Variants in BPTF observed in about 807,000 individuals in gnomAD.
BPTF encodes bromodomain PHD finger transcription factor, also known as nucleosome-remodeling factor subunit BPTF.
A neutral mutation model predicts 292.5 loss-of-function variants in BPTF; 18 were observed. That is an observed-to-expected ratio of 0.06 (90% CI 0.04 to 0.09). The LOEUF (loss-of-function observed/expected upper bound fraction) is 0.09, where lower values mean the gene tolerates loss of function less well. BPTF is among the 10% of genes least tolerant of loss of function. The pLI, the probability that BPTF is intolerant of heterozygous loss-of-function variation, is 1.00. For missense variants in BPTF, 2,726 were observed against 3,498.7 expected (o/e 0.78, Z 5.57); for synonymous variants, 1,225 against 1,251.9 (o/e 0.98, Z 0.45).
At chr17:67,926,297 A>AT (rs2063884276) in intron 15 of BPTF, among the ~76,000 whole-genome samples, 1 of 130,302 alleles carries the variant, frequency 7.7e-6, no homozygotes, top group African/African-American at 2.9e-5. Context: ...GCACCACTGC[A>AT]TTTGGCCCTA....
At chr17:67,976,040 C>A in intron 27 of BPTF, 82 bp downstream of exon 27, 3 of 1,100,704 alleles carry the variant, frequency 2.7e-6, no homozygotes, top group East Asian at 2.6e-5. Flanking sequence ...TCAACCAGTG[C>A]AGTTTATGGT....
chr17:67,953,250 C>T (rs1452436800), intron 23 of BPTF, among the ~76,000 whole-genome samples: 9 of 150,146 alleles, frequency 6.0e-5, no homozygotes, highest in South Asian at 2.1e-4. Flanking sequence ...CGTGAGCCAC[C>T]GCGCCTGGCC....
rs1194820696 is a variant in BPTF, at chr17:67,983,231, G to A, written c.*943G>A. Reference sequence around the variant, plus strand: ...GAGGGAGGCCTGCAAGGTCATGAAAGGCAGAAGAGTCTAATTGTGCCTGGA... The same window carrying A: ...GAGGGAGGCCTGCAAGGTCATGAAAAGCAGAAGAGTCTAATTGTGCCTGGA... On this transcript the variant is annotated 3_prime_UTR_variant, in exon 28 of 28. Coordinates refer to ENST00000306378, the MANE Select transcript of BPTF (RefSeq NM_182641.4). The A allele has an allele frequency of 6.6e-6, 1 of 152,638 alleles. No individual in the cohort carries two copies. Among genetic ancestry groups the A allele is most frequent in the Non-Finnish European group, 1.5e-5 (1 of 68,052 alleles). 9.5% of individuals were successfully genotyped at this position (152,638 alleles called of 1,614,324 possible).
At chr17:67,910,617 T>C (rs534546555) in intron 10 of BPTF, among the ~76,000 whole-genome samples, 13 of 152,100 alleles carry the variant, frequency 8.5e-5, no homozygotes, top group African/African-American at 3.1e-4. Context: ...CTGGCCAACA[T>C]TGCGAAACCC....
At chr17:67,975,121 GAC>G (rs2069247014) in intron 26 of BPTF, 1 of 152,120 alleles carries the variant, frequency 6.6e-6, no homozygotes, top group Non-Finnish European at 1.5e-5. Flanking sequence ...AGGAAATGGG[GAC>G]AAAAACCAAA....
At chr17:67,980,333 G>A (rs1382380704) in intron 27 of BPTF, among the ~76,000 whole-genome samples, 1 of 151,956 alleles carries the variant, frequency 6.6e-6, no homozygotes, top group Non-Finnish European at 1.5e-5. Context: ...CAACACTGAG[G>A]CTCCATCTCA....
In BPTF at chr17:67,854,978, T is replaced by G. The variant is rs188612339; in HGVS notation, c.1436+216T>G. 1.3e-5 allele frequency among the ~76,000 whole-genome samples: 2 copies of G among 152,314 alleles called. No individual in the cohort carries two copies. Among genetic ancestry groups the G allele is most frequent in the Admixed American group, 6.5e-5 (1 of 15,304 alleles). ...TATGAAAGAAGCAAAATTCCATTGT[T>G]TTTTGATGCCTAGGCTAGGAAATAG... On this transcript the variant is annotated intron_variant, in intron 2 of 27. Transcript: ENST00000306378. The surrounding 1 kb of genome is among the most constrained non-coding windows in gnomAD (Gnocchi z 5.6).
At chr17:67,936,231 C>T (rs1307705839) in intron 18 of BPTF, among the ~76,000 whole-genome samples, 1 of 152,070 alleles carries the variant, frequency 6.6e-6, no homozygotes, top group African/African-American at 2.4e-5. Flanking sequence ...TGTTTTAAGG[C>T]AATCGTCTTG....
At chr17:67,946,447 G>A in intron 21 of BPTF, 122 bp downstream of exon 21, 3 of 1,426,036 alleles carry the variant, frequency 2.1e-6, no homozygotes, top group Non-Finnish European at 1.9e-6. Flanking sequence ...TTTAAATTTA[G>A]AAGAAACACT....
chr17:67,889,490 A>C (rs1217837948), intron 4 of BPTF, among the ~76,000 whole-genome samples: 1 of 152,162 alleles, frequency 6.6e-6, no homozygotes, highest in Non-Finnish European at 1.5e-5. Flanking sequence ...TAACCACCAT[A>C]GTTCAACATC....
At chr17:67,920,171 G>A (rs757904494) in intron 13 of BPTF, 28 bp downstream of exon 13, 1 of 1,594,096 alleles carries the variant, frequency 6.3e-7, no homozygotes, top group Non-Finnish European at 8.6e-7. Flanking sequence ...ATTCTTTCAT[G>A]ATTAACCTGT....
intron 1 of BPTF, among the ~76,000 whole-genome samples, chr17:67,829,776 AT>A (rs942220620): frequency 6.6e-6 from 1 of 152,166 alleles, no homozygotes; most frequent in African/African-American, 2.4e-5. Flanking sequence ...AATTTGATTA[AT>A]TTTTATAGTT....
Position 67,911,200 on chromosome 17 carries a change from C to T in BPTF, c.3316C>T (p.Pro1106Ser), listed in dbSNP as rs772222601. ...TNSSKNLSES[P>S]VITKAKEGCQ... ...TTCTTCAAAAAATCTCTCTGAATCA[C>T]CAGTAATAACGAAAGCAAAAGAAGG... Residue 1106 changes from proline (P) to serine (S), a missense_variant, in exon 11 of 28, where the codon CCA becomes TCA. This residue lies in a region of BPTF where 713 missense variants were observed against 714.9 expected (regional missense o/e 1.00). Coordinates refer to ENST00000306378, the MANE Select transcript of BPTF (RefSeq NM_182641.4). The T allele has an allele frequency of 6.2e-7, 1 of 1,613,766 alleles. No homozygotes were observed. Among genetic ancestry groups the T allele is most frequent in the East Asian group, 2.2e-5 (1 of 44,848 alleles).
intron 5 of BPTF, among the ~76,000 whole-genome samples, chr17:67,892,662 A>C: frequency 6.6e-6 from 1 of 152,208 alleles, no homozygotes; most frequent in Non-Finnish European, 1.5e-5. Flanking sequence ...CAATTGCTTA[A>C]AAGCAATGGC....
At chr17:67,976,089 A>C in intron 27 of BPTF, 131 bp downstream of exon 27, 5 of 669,968 alleles carry the variant, frequency 7.5e-6, no homozygotes, top group South Asian at 3.2e-5. Flanking sequence ...AAAATAAATA[A>C]ATCAAGACTC....
At chr17:67,845,914 C>T (rs2057995906) in intron 1 of BPTF, among the ~76,000 whole-genome samples, 1 of 151,750 alleles carries the variant, frequency 6.6e-6, no homozygotes. Flanking sequence ...ATCCTAGAGC[C>T]ATACTTACTT....
chr17:67,955,024 T>C (rs748546485), intron 23 of BPTF, among the ~76,000 whole-genome samples: 3 of 152,160 alleles, frequency 2.0e-5, no homozygotes, highest in Non-Finnish European at 4.4e-5. Flanking sequence ...GTACGGTGGC[T>C]CATGCCTGTA....
At chr17:67,950,846 A>AG (rs1408717953) in intron 23 of BPTF, 2 of 151,650 alleles carry the variant, frequency 1.3e-5, no homozygotes, top group Non-Finnish European at 2.9e-5. Flanking sequence ...CTCAAAAAAA[A>AG]AAAAAAAATT....
At chr17:67,842,685 T>G (rs1035639917) in intron 1 of BPTF, among the ~76,000 whole-genome samples, 35 of 152,018 alleles carry the variant, frequency 2.3e-4, no homozygotes, top group Non-Finnish European at 1.3e-4. Flanking sequence ...ATAAAACATA[T>G]ATGTGATAGA....
Sources: allele counts gnomAD v4.1 joint callset (sites outside exome capture counted in the v4.1 genomes callset), GRCh38; gene constraint gnomAD v4.1.1; regional missense constraint gnomAD v4.1.1; non-coding constraint Gnocchi (gnomAD v3.1); transcripts MANE v1.5; gene names NCBI Gene and HGNC (gene_info 2026-07-23, HGNC 2026-07-21).